The following IFT25 variants were observed in gnomAD, a reference collection of about 807,000 sequenced individuals.
IFT25 encodes the protein intraflagellar transport 25.
chr1:53,924,308 C>A, the IFT25 span, among the ~76,000 whole-genome samples: 11 of 152,188 alleles, frequency 7.2e-5, no homozygotes, highest in East Asian at 1.9e-3. Context: ...GAGGATCCAG[C>A]TACTAACAGA....
chr1:53,922,213 G>A, the IFT25 span, among the ~76,000 whole-genome samples: 2 of 152,148 alleles, frequency 1.3e-5, no homozygotes, highest in Non-Finnish European at 1.5e-5. Context: ...TAACCAACAT[G>A]GAGAAACCCT....
chr1:53,922,843 C>T, the IFT25 span, among the ~76,000 whole-genome samples: 2 of 152,160 alleles, frequency 1.3e-5, no homozygotes, highest in African/African-American at 4.8e-5. Context: ...TCTAACTGTA[C>T]AGCATATGGT....
chr1:53,922,852 G>A, the IFT25 span, among the ~76,000 whole-genome samples: 90 of 152,228 alleles, frequency 5.9e-4, no homozygotes, highest in East Asian at 0.016. Flanking sequence ...ACAGCATATG[G>A]TCAACAACTA....
the IFT25 span, among the ~76,000 whole-genome samples, chr1:53,943,616 T>C: frequency 3.3e-5 from 5 of 151,884 alleles, no homozygotes; most frequent in Non-Finnish European, 7.4e-5. Context: ...GGGTTGGAGA[T>C]GTAGGGAGAG....
the IFT25 span, among the ~76,000 whole-genome samples, chr1:53,916,165 AC>A: frequency 0.11 from 16,846 of 150,352 alleles, 1,337 homozygotes; most frequent in Non-Finnish European, 0.18. Flanking sequence ...AGCCTGGGCA[AC>A]AGACCTGCTC....
chr1:53,926,565 C>T, the IFT25 span, among the ~76,000 whole-genome samples: 89 of 152,272 alleles, frequency 5.8e-4, 2 homozygotes, highest in East Asian at 0.013. Flanking sequence ...ATTCAAATTT[C>T]CCCAATTGTC....
the IFT25 span, among the ~76,000 whole-genome samples, chr1:53,932,124 G>A: frequency 6.6e-6 from 1 of 152,170 alleles, no homozygotes; most frequent in Non-Finnish European, 1.5e-5. Flanking sequence ...GGCTAAGGAG[G>A]GTGCTCACCT....
chr1:53,928,764 C>G, the IFT25 span: 14 of 234,810 alleles, frequency 6.0e-5, no homozygotes, highest in Non-Finnish European at 1.1e-4. Context: ...TTATGGAGAG[C>G]CTATGATGAG....
the IFT25 span, chr1:53,945,540 C>G: frequency 6.5e-6 from 1 of 153,430 alleles, no homozygotes; most frequent in African/African-American, 2.4e-5. Flanking sequence ...CCTGCCTACC[C>G]CGCTACCCGC....
the IFT25 span, among the ~76,000 whole-genome samples, chr1:53,913,093 G>A: frequency 1.3e-5 from 2 of 152,330 alleles, no homozygotes; most frequent in Admixed American, 6.5e-5. Flanking sequence ...CCTCATGACA[G>A]GAGCTATCTT....
chr1:53,921,744 G>T, the IFT25 span: 4 of 1,613,382 alleles, frequency 2.5e-6, no homozygotes, highest in Non-Finnish European at 3.4e-6. Context: ...TGAATCTCAA[G>T]TAAGTAGCGG....
At chr1:53,943,702 C>T in the IFT25 span, among the ~76,000 whole-genome samples, 32 of 152,116 alleles carry the variant, frequency 2.1e-4, 1 homozygote, top group Admixed American at 9.2e-4. Flanking sequence ...CGGCTAACTG[C>T]AACGTCTGCC....
At chr1:53,942,892 A>C in the IFT25 span, among the ~76,000 whole-genome samples, 22 of 152,346 alleles carry the variant, frequency 1.4e-4, no homozygotes, top group South Asian at 8.3e-4. Flanking sequence ...CATCCAGAAT[A>C]CTGTGTTCAG....
chr1:53,923,531 G>A, the IFT25 span: 2 of 205,660 alleles, frequency 9.7e-6, no homozygotes, highest in Admixed American at 6.0e-5. Flanking sequence ...AATCTCACTT[G>A]TCCTTTCATG....
the IFT25 span, chr1:53,928,453 A>G: frequency 1.3e-6 from 2 of 1,592,570 alleles, no homozygotes; most frequent in Non-Finnish European, 1.7e-6. Context: ...AACATTGTAA[A>G]CAAAGTAAGT....
At chr1:53,928,632 TC>T in the IFT25 span, 1 of 536,640 alleles carries the variant, frequency 1.9e-6, no homozygotes, top group Admixed American at 3.5e-5. Flanking sequence ...GTGTAACTAA[TC>T]TTCCAAATGT....
the IFT25 span, chr1:53,928,286 C>T: frequency 9.1e-7 from 1 of 1,098,176 alleles, no homozygotes; most frequent in Non-Finnish European, 1.4e-6. Flanking sequence ...TCTTTTTTCA[C>T]CAAAGTGCAG....
chr1:53,926,074 TCTC>T, the IFT25 span, among the ~76,000 whole-genome samples: 1 of 137,046 alleles, frequency 7.3e-6, no homozygotes, highest in African/African-American at 2.8e-5. Context: ...TGCACTCCAG[TCTC>T]AAAAAAAAAA....
At chr1:53,939,308 T>C in the IFT25 span, among the ~76,000 whole-genome samples, 4 of 151,322 alleles carry the variant, frequency 2.6e-5, no homozygotes, top group Non-Finnish European at 5.9e-5. Flanking sequence ...GGAGAATCAC[T>C]TGAACCTGGG....
Sources: allele counts gnomAD v4.1 joint callset (sites outside exome capture counted in the v4.1 genomes callset), GRCh38; gene constraint gnomAD v4.1.1; transcripts MANE v1.5; gene names NCBI Gene and HGNC (gene_info 2026-07-23, HGNC 2026-07-21).